TENM2: variants seen among roughly 807,000 people sequenced by gnomAD.
TENM2 encodes the protein teneurin-2.
A neutral mutation model predicts 245.2 loss-of-function variants in TENM2; 52 were observed. That is an observed-to-expected ratio of 0.21 (90% confidence interval 0.17 to 0.27). The LOEUF (loss-of-function observed/expected upper bound fraction) is 0.27. Among genes scored for constraint, TENM2 ranks in the 10% least tolerant of loss-of-function variants. The pLI is 1.00. For missense variants in TENM2, 3,046 were observed against 3,666.8 expected (o/e 0.83, Z 4.37); for synonymous variants, 1,363 against 1,438.9 (o/e 0.95, Z 1.19).
At position 168,031,521 on chromosome 5, in the gene TENM2, T is replaced by C. The variant is rs138786151; in HGVS notation, c.1187-15906T>C. Among the ~76,000 whole-genome samples the C allele has an allele frequency of 2.8e-3, 421 of 152,242 alleles. 2 individuals carry two copies. The highest frequency in any genetic ancestry group is 9.0e-3 in the African/African-American group (375 of 41,554). ...TAAATGTTTTGCATACTTTATTTCA[T>C]TGAATGTGGCAACCCCCCTGGGAGG... On this transcript the variant is annotated intron_variant, in intron 5 of 28. Transcript: ENST00000518659.
chr5:168,245,470 G>C (rs1036361307), intron 26 of TENM2, among the ~76,000 whole-genome samples: 2 of 150,992 alleles, frequency 1.3e-5, no homozygotes, highest in Non-Finnish European at 2.9e-5. Flanking sequence ...TATTTGCCCT[G>C]TTGGCTGAAA....
At chr5:167,128,613 C>CT in the TENM2 span, among the ~76,000 whole-genome samples, 4 of 151,722 alleles carry the variant, frequency 2.6e-5, no homozygotes. Context: ...CAAAGCTCTA[C>CT]TTATGGACAC....
chr5:168,036,911 C>G (rs1282110034), intron 5 of TENM2, among the ~76,000 whole-genome samples: 1 of 151,844 alleles, frequency 6.6e-6, no homozygotes, highest in African/African-American at 2.4e-5. Flanking sequence ...TCCCCCACCC[C>G]ACCCCAGATT....
intron 2 of TENM2, among the ~76,000 whole-genome samples, chr5:167,507,667 T>G (rs1302961377): frequency 6.6e-6 from 1 of 152,132 alleles, no homozygotes; most frequent in African/African-American, 2.4e-5. Flanking sequence ...TGTATCAGGT[T>G]GCTAAGCTCT....
the TENM2 span, among the ~76,000 whole-genome samples, chr5:167,262,763 A>G: frequency 6.6e-6 from 1 of 152,120 alleles, no homozygotes; most frequent in African/African-American, 2.4e-5. Flanking sequence ...TTCTGTTACA[A>G]TCTAGTTATG....
chr5:167,868,056 C>T (rs1772480167), intron 2 of TENM2, among the ~76,000 whole-genome samples: 1 of 152,202 alleles, frequency 6.6e-6, no homozygotes, highest in Admixed American at 6.5e-5. Flanking sequence ...GATCACGTAA[C>T]ATAAAGTATA....
intron 2 of TENM2, among the ~76,000 whole-genome samples, chr5:167,571,398 A>T (rs1440758091): frequency 6.6e-6 from 1 of 152,222 alleles, no homozygotes; most frequent in Non-Finnish European, 1.5e-5. Context: ...ACGCTGTCAT[A>T]TAAGCATATG....
chr5:167,212,474 T>C, the TENM2 span, among the ~76,000 whole-genome samples: 5 of 152,184 alleles, frequency 3.3e-5, no homozygotes, highest in African/African-American at 1.2e-4. Context: ...ATGGGGGTTA[T>C]TGTGTCCATG....
At chr5:167,440,156 T>C (rs1364065382) in intron 2 of TENM2, among the ~76,000 whole-genome samples, 2 of 152,226 alleles carry the variant, frequency 1.3e-5, no homozygotes, top group African/African-American at 4.8e-5. Context: ...GAGATAACTA[T>C]AGATAATAGG....
At chr5:167,522,292 C>G (rs1770811224) in intron 2 of TENM2, among the ~76,000 whole-genome samples, 1 of 152,088 alleles carries the variant, frequency 6.6e-6, no homozygotes, top group African/African-American at 2.4e-5. Flanking sequence ...CAATACTACC[C>G]TTGAACAAAA....
intron 4 of TENM2, among the ~76,000 whole-genome samples, chr5:167,954,557 C>G (rs111409432): frequency 0.031 from 4,738 of 152,186 alleles, 257 homozygotes; most frequent in African/African-American, 0.11. Flanking sequence ...ATGGTGGTTT[C>G]CTGCACCCAT....
chr5:167,597,636 A>G (rs1054888702), intron 2 of TENM2, among the ~76,000 whole-genome samples: 9 of 152,224 alleles, frequency 5.9e-5, no homozygotes, highest in African/African-American at 1.9e-4. Context: ...AGAGAGACAA[A>G]TGATAATTCC....
intron 1 of TENM2, among the ~76,000 whole-genome samples, chr5:167,362,480 C>T (rs952369303): frequency 1.3e-5 from 2 of 152,170 alleles, no homozygotes; most frequent in African/African-American, 4.8e-5. Flanking sequence ...GTGATCCATC[C>T]ATCTCACTAG....
At chr5:167,437,436 C>T (rs532283209) in intron 2 of TENM2, among the ~76,000 whole-genome samples, 2 of 152,186 alleles carry the variant, frequency 1.3e-5, no homozygotes, top group Non-Finnish European at 2.9e-5. Context: ...ATTTTACATG[C>T]TCATAGGCAG....
chr5:167,044,543 G>A, the TENM2 span, among the ~76,000 whole-genome samples: 2 of 152,130 alleles, frequency 1.3e-5, no homozygotes, highest in Non-Finnish European at 2.9e-5. Flanking sequence ...TGTTGTTTAA[G>A]ACCATGAGAG....
intron 5 of TENM2, among the ~76,000 whole-genome samples, chr5:168,006,146 T>C (rs1289880459): frequency 6.6e-6 from 1 of 152,182 alleles, no homozygotes; most frequent in Non-Finnish European, 1.5e-5. Flanking sequence ...GAGGCTACAG[T>C]TTTAGCCCAT....
chr5:167,056,875 A>G, the TENM2 span, among the ~76,000 whole-genome samples: 1 of 150,294 alleles, frequency 6.7e-6, no homozygotes, highest in Non-Finnish European at 1.5e-5. Flanking sequence ...CATTTCTGGT[A>G]TTAATTTTGA....
At chr5:167,777,182 C>T (rs1406166809) in intron 2 of TENM2, among the ~76,000 whole-genome samples, 1 of 152,090 alleles carries the variant, frequency 6.6e-6, no homozygotes, top group African/African-American at 2.4e-5. Flanking sequence ...TAATCTAAGT[C>T]AACCAAATGA....
chr5:167,828,841 A>G (rs1296481216), intron 2 of TENM2, among the ~76,000 whole-genome samples: 1 of 152,220 alleles, frequency 6.6e-6, no homozygotes, highest in African/African-American at 2.4e-5. Flanking sequence ...ATGATTAAAG[A>G]TAACTTCTAT....
Sources: allele counts gnomAD v4.1 joint callset (sites outside exome capture counted in the v4.1 genomes callset), GRCh38; gene constraint gnomAD v4.1.1; transcripts MANE v1.5; gene names NCBI Gene and HGNC (gene_info 2026-07-23, HGNC 2026-07-21).